CSMD3: variants seen among roughly 807,000 people sequenced by gnomAD.
CSMD3 encodes CUB and Sushi multiple domains 3.
A neutral mutation model predicts 435.2 loss-of-function variants in CSMD3; 177 were observed. The observed-to-expected ratio is 0.41, with a 90% CI of 0.36 to 0.46. The LOEUF (loss-of-function observed/expected upper bound fraction) is 0.46. Among genes scored for constraint, CSMD3 ranks in the 20% least tolerant of loss-of-function variants. CSMD3 has a pLI of 0.34. For synonymous variants in CSMD3, 1,656 were observed against 1,520.5 expected (o/e 1.09, Z -2.07); for missense variants, 4,265 against 4,504.6 (o/e 0.95, Z 1.52).
At chr8:112,619,626 A>C (rs1403676055) in intron 22 of CSMD3, among the ~76,000 whole-genome samples, 1 of 151,964 alleles carries the variant, frequency 6.6e-6, no homozygotes, top group Non-Finnish European at 1.5e-5. Context: ...TTTTCTTCTG[A>C]TGTGATCCAT....
chr8:112,372,575 C>T (rs1305673688), intron 38 of CSMD3, among the ~76,000 whole-genome samples: 1 of 152,038 alleles, frequency 6.6e-6, no homozygotes, highest in East Asian at 1.9e-4. Flanking sequence ...ATCTGGCGGG[C>T]GCGGTGGCTC....
chr8:113,304,837 C>T (rs1481169586), intron 2 of CSMD3, among the ~76,000 whole-genome samples: 374 of 138,462 alleles, frequency 2.7e-3, no homozygotes, highest in African/African-American at 9.2e-3. Flanking sequence ...GTGGGTGCAG[C>T]GCACCAGCAT....
chr8:112,670,391 T>C (rs1425570449), intron 16 of CSMD3, among the ~76,000 whole-genome samples: 1 of 152,206 alleles, frequency 6.6e-6, no homozygotes, highest in African/African-American at 2.4e-5. Flanking sequence ...ACAAAGGATA[T>C]GTATATATAC....
At chr8:113,322,113 C>G (rs1459607766) in intron 1 of CSMD3, among the ~76,000 whole-genome samples, 1 of 152,086 alleles carries the variant, frequency 6.6e-6, no homozygotes, top group Non-Finnish European at 1.5e-5. Flanking sequence ...CCAAAACTAA[C>G]ACTATTACAA....
At chr8:112,373,500 A>C (rs1828646937) in intron 38 of CSMD3, among the ~76,000 whole-genome samples, 1 of 150,858 alleles carries the variant, frequency 6.6e-6, no homozygotes, top group Non-Finnish European at 1.5e-5. Context: ...TCAAGTACCT[A>C]AAATTAGGTA....
intron 23 of CSMD3, among the ~76,000 whole-genome samples, chr8:112,580,336 T>C (rs969399611): frequency 6.6e-6 from 1 of 151,986 alleles, no homozygotes; most frequent in Non-Finnish European, 1.5e-5. Flanking sequence ...CCAAACAAAC[T>C]AGAGAAACAT....
chr8:112,280,088 C>T (rs1397817410), intron 59 of CSMD3, among the ~76,000 whole-genome samples: 1 of 152,126 alleles, frequency 6.6e-6, no homozygotes, highest in Non-Finnish European at 1.5e-5. Flanking sequence ...GATTATCTCA[C>T]CCACACAATA....
At chr8:113,319,666 G>A (rs1341555779) in intron 1 of CSMD3, among the ~76,000 whole-genome samples, 1 of 151,746 alleles carries the variant, frequency 6.6e-6, no homozygotes, top group African/African-American at 2.4e-5. Context: ...GGCAAATTTT[G>A]CAAGGCAAAA....
chr8:113,161,453 T>C (rs1648275450), intron 4 of CSMD3, among the ~76,000 whole-genome samples: 1 of 152,106 alleles, frequency 6.6e-6, no homozygotes, highest in African/African-American at 2.4e-5. Flanking sequence ...ATAAGGTCAT[T>C]TTTGTGTTAT....
chr8:112,822,005 C>T lies in CSMD3; in HGVS notation c.1859+7681G>A, dbSNP rs140606507. 1.2e-3 allele frequency among the ~76,000 whole-genome samples: 177 copies of T among 152,264 alleles called. 2 individuals are homozygous for T. Among genetic ancestry groups the T allele is most frequent in the African/African-American group, 4.0e-3 (165 of 41,542 alleles). On this transcript the variant is annotated intron_variant, in intron 12 of 70. Coordinates refer to ENST00000297405, the MANE Select transcript of CSMD3 (RefSeq NM_198123.2). ...GAGCTCTCTGTTATGTTCCACTGAT[C>T]TATATGACTGTTTTCGTACCAGTAC...
At chr8:112,905,066 G>A (rs958167045) in intron 10 of CSMD3, among the ~76,000 whole-genome samples, 2 of 151,246 alleles carry the variant, frequency 1.3e-5, no homozygotes, top group Non-Finnish European at 3.0e-5. Flanking sequence ...TGATTAATGG[G>A]AATTCTCATA....
intron 22 of CSMD3, among the ~76,000 whole-genome samples, chr8:112,594,333 G>A (rs185985299): frequency 0.017 from 2,559 of 152,260 alleles, 57 homozygotes; most frequent in African/African-American, 0.051. Flanking sequence ...GGCGCACCAC[G>A]AGATTATATC....
At chr8:112,453,340 A>G (rs1010301767) in intron 32 of CSMD3, among the ~76,000 whole-genome samples, 2 of 152,184 alleles carry the variant, frequency 1.3e-5, no homozygotes, top group Non-Finnish European at 2.9e-5. Context: ...TTTGCCAATA[A>G]TATGATCATA....
intron 23 of CSMD3, among the ~76,000 whole-genome samples, chr8:112,575,713 A>C (rs560666856): frequency 6.6e-6 from 1 of 152,234 alleles, no homozygotes. Context: ...ATTACATAAC[A>C]TTCAACTTTT....
chr8:112,921,034 C>CAT (rs549728904), intron 10 of CSMD3, among the ~76,000 whole-genome samples: 32 of 129,876 alleles, frequency 2.5e-4, no homozygotes, highest in Non-Finnish European at 3.7e-4. Context: ...CACACACACA[C>CAT]ATATATATAC....
chr8:113,032,584 A>C (rs914623096), intron 5 of CSMD3, among the ~76,000 whole-genome samples: 1 of 151,634 alleles, frequency 6.6e-6, no homozygotes, highest in Non-Finnish European at 1.5e-5. Context: ...ATTCATAAAG[A>C]GATGGTTTGA....
intron 35 of CSMD3, among the ~76,000 whole-genome samples, chr8:112,404,524 TA>T (rs774206413): frequency 0.017 from 2,333 of 138,584 alleles, 35 homozygotes; most frequent in African/African-American, 0.041. Context: ...TGAGACTCCA[TA>T]AAAAAAAAAA....
intron 10 of CSMD3, among the ~76,000 whole-genome samples, chr8:112,867,706 T>C (rs1404514481): frequency 2.0e-5 from 3 of 152,172 alleles, no homozygotes; most frequent in East Asian, 3.9e-4. Context: ...AAAAATATCA[T>C]ACAAAAAAAT....
At chr8:112,991,539 C>T (rs1384859772) in intron 6 of CSMD3, among the ~76,000 whole-genome samples, 1 of 151,570 alleles carries the variant, frequency 6.6e-6, no homozygotes, top group Non-Finnish European at 1.5e-5. Flanking sequence ...TCTTGCTTTC[C>T]TGATAGAAAG....
Sources: gnomAD v4.1 joint callset for allele counts (sites outside exome capture counted in the v4.1 genomes callset) on GRCh38, gnomAD v4.1.1 for gene constraint, MANE v1.5 for transcripts, NCBI Gene and HGNC (gene_info 2026-07-23, HGNC 2026-07-21) for gene names.